LYPLAL1: variants seen among roughly 807,000 people sequenced by gnomAD.
The protein encoded by LYPLAL1 is lysophospholipase like 1, also known as lysophospholipase-like protein 1.
LYPLAL1 carries 23 observed loss-of-function variants against 19.7 expected under a neutral mutation model. The observed-to-expected ratio is 1.17, with a 90% CI of 0.84 to 1.65. The LOEUF is 1.65. Ranked by LOEUF, LYPLAL1 falls within the 40% of genes most tolerant of loss-of-function variation. LYPLAL1 has a pLI of 0.00. For synonymous variants in LYPLAL1, 119 were observed against 96.3 expected, an observed-to-expected ratio of 1.24 and a Z score of -1.38; for missense variants, 355 against 279.4, an observed-to-expected ratio of 1.27 and a Z score of -1.93.
rs61823214 is a variant in LYPLAL1, at chr1:219,200,068, A to G, written c.361+6817A>G. The G allele has an allele frequency of 1.2e-3, 270 of 230,980 alleles. 1 individual carries two copies. Among genetic ancestry groups the G allele is most frequent in the Admixed American group, 3.0e-3 (74 of 24,780 alleles). The allele number at this position is 230,980 out of a possible 1,614,324, so 14.3% of individuals were successfully genotyped here. Reference sequence around the variant, plus strand: ...GTGAGCAGTTGCTTTGCATCCTTCCATCTGTTGAACAATGTAACATGGTGC... The same window carrying G: ...GTGAGCAGTTGCTTTGCATCCTTCCGTCTGTTGAACAATGTAACATGGTGC... On this transcript the variant is annotated intron_variant, in intron 3 of 4. Coordinates refer to ENST00000366928, the MANE Select transcript of LYPLAL1 (RefSeq NM_138794.5).
the LYPLAL1 span, among the ~76,000 whole-genome samples, chr1:219,354,921 G>A: frequency 1.3e-5 from 2 of 152,094 alleles, no homozygotes; most frequent in Non-Finnish European, 2.9e-5. Context: ...AAATAATATT[G>A]TATTATGGGG....
At chr1:219,387,998 C>T in the LYPLAL1 span, among the ~76,000 whole-genome samples, 1 of 152,166 alleles carries the variant, frequency 6.6e-6, no homozygotes, top group African/African-American at 2.4e-5. Flanking sequence ...TCATGAAAAG[C>T]TTTCCCAATA....
intron 3 of LYPLAL1, among the ~76,000 whole-genome samples, chr1:219,207,788 TAATA>T (rs1398374396): frequency 1.3e-5 from 2 of 152,206 alleles, no homozygotes; most frequent in African/African-American, 4.8e-5. Context: ...AAGATCCATT[TAATA>T]AATTCTATTA....
chr1:219,361,831 C>T, the LYPLAL1 span, among the ~76,000 whole-genome samples: 2 of 152,126 alleles, frequency 1.3e-5, no homozygotes. Flanking sequence ...GAGAGAACTT[C>T]TGATTTTAAA....
intron 1 of LYPLAL1, 165 bp downstream of exon 1, chr1:219,174,146 C>T (rs1481424703): frequency 4.2e-6 from 6 of 1,438,522 alleles, no homozygotes; most frequent in African/African-American, 1.4e-5. Flanking sequence ...GCGCCACCTG[C>T]CCCCAGCCTC....
the LYPLAL1 span, among the ~76,000 whole-genome samples, chr1:219,429,759 G>C: frequency 6.6e-6 from 1 of 152,170 alleles, no homozygotes; most frequent in East Asian, 1.9e-4. Context: ...AATTTAATCT[G>C]AATTCATTAG....
At chr1:219,377,832 G>A in the LYPLAL1 span, among the ~76,000 whole-genome samples, 152 of 152,208 alleles carry the variant, frequency 1.0e-3, 5 homozygotes, top group East Asian at 0.028. Context: ...CAAACTCAAA[G>A]ACACCCAGCT....
chr1:219,413,794 G>A, the LYPLAL1 span, among the ~76,000 whole-genome samples: 10 of 152,262 alleles, frequency 6.6e-5, no homozygotes, highest in Middle Eastern at 3.4e-3. Flanking sequence ...CACAGGCCAC[G>A]TGCTAGGCAC....
chr1:219,303,578 G>A, the LYPLAL1 span, among the ~76,000 whole-genome samples: 1 of 152,238 alleles, frequency 6.6e-6, no homozygotes, highest in Admixed American at 6.5e-5. Context: ...CATGTGAGCT[G>A]TGAGAGAACT....
chr1:219,198,818 T>A (rs980812565), intron 3 of LYPLAL1: 2 of 152,182 alleles, frequency 1.3e-5, no homozygotes, highest in Admixed American at 6.5e-5. Context: ...ATGATATAGT[T>A]GGTTAAGTTG....
At chr1:219,422,702 ATAAC>A in the LYPLAL1 span, among the ~76,000 whole-genome samples, 1 of 152,172 alleles carries the variant, frequency 6.6e-6, no homozygotes, top group Admixed American at 6.5e-5. Context: ...AGAGGCATAA[ATAAC>A]TATTTTGCTT....
the LYPLAL1 span, among the ~76,000 whole-genome samples, chr1:219,365,990 G>C: frequency 4.6e-5 from 7 of 152,102 alleles, no homozygotes; most frequent in Non-Finnish European, 8.8e-5. Context: ...CCAGATGTTT[G>C]ATTTTGTGTA....
the LYPLAL1 span, among the ~76,000 whole-genome samples, chr1:219,259,383 G>A: frequency 7.2e-6 from 1 of 138,206 alleles, no homozygotes; most frequent in Non-Finnish European, 1.5e-5. Context: ...ACCAATGAGT[G>A]GATAAAGAAA....
At chr1:219,287,710 T>C in the LYPLAL1 span, among the ~76,000 whole-genome samples, 1 of 152,190 alleles carries the variant, frequency 6.6e-6, no homozygotes, top group Non-Finnish European at 1.5e-5. Flanking sequence ...TTCCTTACCA[T>C]GTGATATAGT....
chr1:219,270,470 T>G, the LYPLAL1 span, among the ~76,000 whole-genome samples: 1 of 152,130 alleles, frequency 6.6e-6, no homozygotes, highest in African/African-American at 2.4e-5. Flanking sequence ...GAAAAACTGG[T>G]TAGGACTGGG....
chr1:219,418,363 A>G, the LYPLAL1 span, among the ~76,000 whole-genome samples: 1 of 152,150 alleles, frequency 6.6e-6, no homozygotes, highest in African/African-American at 2.4e-5. Context: ...CCGTGTGGAT[A>G]TTTCCATTAG....
the LYPLAL1 span, among the ~76,000 whole-genome samples, chr1:219,329,815 G>T: frequency 0.074 from 11,234 of 152,226 alleles, 524 homozygotes; most frequent in South Asian, 0.14. Flanking sequence ...TTCAAAGGCT[G>T]TGACTGCTGC....
Position 219,186,196 on chromosome 1 carries a change from A to G in LYPLAL1, c.192-6886A>G, listed in dbSNP as rs572506381. ...TGATATCTAGTTTCATTTCATTATT[A>G]TTAGAGAAAATATCCTGTATGATTT... On this transcript the variant is annotated intron_variant, in intron 2 of 4. Coordinates refer to ENST00000366928, the MANE Select transcript of LYPLAL1 (RefSeq NM_138794.5). 9.9e-5 allele frequency among the ~76,000 whole-genome samples: 15 copies of G among 151,878 alleles called. No individual in the cohort carries two copies. In the South Asian group the frequency reaches 2.9e-3, roughly 29 times the overall value.
chr1:219,334,075 C>T, the LYPLAL1 span, among the ~76,000 whole-genome samples: 4 of 151,864 alleles, frequency 2.6e-5, no homozygotes, highest in Non-Finnish European at 2.9e-5. Flanking sequence ...TATTCAGTTT[C>T]CCCTTCACCT....
Sources: allele counts gnomAD v4.1 joint callset (sites outside exome capture counted in the v4.1 genomes callset), GRCh38; gene constraint gnomAD v4.1.1; transcripts MANE v1.5; gene names NCBI Gene and HGNC (gene_info 2026-07-23, HGNC 2026-07-21).